Variants in GRB2 observed in about 807,000 individuals in gnomAD.
GRB2 encodes the protein growth factor receptor bound protein 2, also known as growth factor receptor-bound protein 2.
In GRB2, 2 loss-of-function variants were observed where a neutral mutation model predicts 27.4. The observed-to-expected ratio is 0.07, with a 90% CI of 0.03 to 0.23. GRB2 has a LOEUF of 0.23. Ranked by LOEUF, GRB2 falls within the 10% of genes least tolerant of loss-of-function variation. The probability of loss-of-function intolerance (pLI) is 1.00; values close to 1 mark genes in which losing one functional copy is unlikely to be tolerated. For missense variants in GRB2, 102 were observed against 282.4 expected, an observed-to-expected ratio of 0.36 and a Z score of 4.58; for synonymous variants, 94 against 99.6, an observed-to-expected ratio of 0.94 and a Z score of 0.33.
At chr17:75,371,464 G>A (rs1173583062) in intron 2 of GRB2, 1 of 152,118 alleles carries the variant, frequency 6.6e-6, no homozygotes, top group Non-Finnish European at 1.5e-5. Context: ...AACATGGTGT[G>A]AATTTCCTCC....
Position 75,321,845 on chromosome 17 carries a change from C to T in GRB2, c.300-18G>A, listed in dbSNP as rs778471760. On this transcript the variant is annotated intron_variant, in intron 4 of 5. Transcript: ENST00000316804. Reference sequence around the variant, plus strand: ...TTCCAAACCTGGGAGGGACAGAAAGCACATGTGACCGGCTAAAGGCTCTAA... The same window carrying T: ...TTCCAAACCTGGGAGGGACAGAAAGTACATGTGACCGGCTAAAGGCTCTAA... 1 of 1,611,764 alleles carries T rather than the reference C, an allele frequency of 6.2e-7. No individual in the cohort carries two copies. The highest frequency in any genetic ancestry group is 1.7e-5 in the Admixed American group (1 of 59,994).
intron 1 of GRB2, among the ~76,000 whole-genome samples, chr17:75,399,711 G>A (rs144212051): frequency 4.6e-3 from 690 of 148,868 alleles, no homozygotes; most frequent in African/African-American, 0.016. Context: ...TCGCTCTGTC[G>A]CCCAGGCTGG....
At chr17:75,347,260 A>G (rs757714427) in intron 2 of GRB2, among the ~76,000 whole-genome samples, 2 of 152,072 alleles carry the variant, frequency 1.3e-5, no homozygotes, top group Non-Finnish European at 2.9e-5. Context: ...GCCAAAGACA[A>G]CTGAAAGCCT....
chr17:75,349,336 CATG>C, intron 2 of GRB2, among the ~76,000 whole-genome samples: 1 of 152,174 alleles, frequency 6.6e-6, no homozygotes, highest in South Asian at 2.1e-4. Flanking sequence ...CCATGCTGGC[CATG>C]TTACTAAAAC....
intron 4 of GRB2, 65 bp downstream of exon 4, chr17:75,325,833 A>C: frequency 1.5e-5 from 24 of 1,564,568 alleles, no homozygotes; most frequent in Non-Finnish European, 1.9e-5. Flanking sequence ...GCACCTGACC[A>C]ACGGCTTCAC....
At chr17:75,321,169 CTTTTTTTTTTT>C (rs61287852) in intron 5 of GRB2, among the ~76,000 whole-genome samples, 7,835 of 120,054 alleles carry the variant, frequency 0.065, 260 homozygotes, top group Middle Eastern at 0.16. Context: ...AACAACAAAT[CTTTTTTTTTTT>C]TTTTTTTTTT....
intron 2 of GRB2, chr17:75,372,260 C>G (rs1383134300): frequency 6.6e-6 from 1 of 152,136 alleles, no homozygotes; most frequent in African/African-American, 2.4e-5. Flanking sequence ...ACAACAGGTC[C>G]CCAGTATCTA....
At chr17:75,393,132 A>G (rs1238946911) in intron 2 of GRB2, among the ~76,000 whole-genome samples, 1 of 152,228 alleles carries the variant, frequency 6.6e-6, no homozygotes, top group Non-Finnish European at 1.5e-5. Flanking sequence ...CATATTCCAG[A>G]ACGCAAAATC....
chr17:75,359,482 G>C (rs1266944289), intron 2 of GRB2, among the ~76,000 whole-genome samples: 1 of 149,694 alleles, frequency 6.7e-6, no homozygotes, highest in South Asian at 2.1e-4. Context: ...CTCCAGCCTG[G>C]GTGACAGAGT....
At chr17:75,361,802 T>A (rs948768698) in intron 2 of GRB2, among the ~76,000 whole-genome samples, 2 of 151,790 alleles carry the variant, frequency 1.3e-5, no homozygotes, top group Non-Finnish European at 2.9e-5. Context: ...CATTACTAAC[T>A]GAGCAACTCT....
At chr17:75,368,535 T>TG (rs1241719232) in intron 2 of GRB2, among the ~76,000 whole-genome samples, 280 of 151,246 alleles carry the variant, frequency 1.9e-3, no homozygotes, top group African/African-American at 5.6e-3. Context: ...TGTTTTTTTT[T>TG]TTGTTGTTTT....
chr17:75,356,006 T>G (rs1348199643), intron 2 of GRB2, among the ~76,000 whole-genome samples: 1 of 151,792 alleles, frequency 6.6e-6, no homozygotes. Context: ...AATTTTTTTT[T>G]GTACTTTAGT....
intron 3 of GRB2, among the ~76,000 whole-genome samples, chr17:75,331,265 C>A (rs2078539343): frequency 6.6e-6 from 1 of 152,232 alleles, no homozygotes; most frequent in Non-Finnish European, 1.5e-5. Context: ...GCACTGCCCA[C>A]CCTTTGGGCA....
intron 1 of GRB2, 154 bp downstream of exon 1, chr17:75,405,335 G>A (rs777307150): frequency 4.6e-5 from 7 of 152,460 alleles, no homozygotes; most frequent in Non-Finnish European, 1.0e-4. Context: ...GAAACGTAGA[G>A]TCCGGAGCCC....
intron 2 of GRB2, among the ~76,000 whole-genome samples, chr17:75,365,683 T>C (rs187380490): frequency 2.2e-4 from 33 of 151,776 alleles, no homozygotes; most frequent in African/African-American, 8.0e-4. Flanking sequence ...CTATGGGGGA[T>C]AGAAAGAAAA....
At chr17:75,367,176 T>C (rs887453850) in intron 2 of GRB2, among the ~76,000 whole-genome samples, 1 of 152,124 alleles carries the variant, frequency 6.6e-6, no homozygotes, top group Non-Finnish European at 1.5e-5. Flanking sequence ...CTGCTCTTTT[T>C]TTCCCCCTAT....
Position 75,393,562 on chromosome 17 carries a change from C to G in GRB2, c.67G>C (p.Asp23His). The G allele has an allele frequency of 6.2e-7, 1 of 1,613,294 alleles. No homozygotes were observed. Residue 23 changes from aspartate to histidine, a missense_variant, in exon 2 of 6, where the codon GAC becomes CAC. Transcript: ENST00000316804. ...ADDELSFKRGDILKVLNEECD... is the reference protein window; with the variant it reads ...ADDELSFKRGHILKVLNEECD... ...GCATCAGCACTTACCTTGAGGATGT[C>G]CCCCCTTTTGAAGCTCAGCTCGTCG...
intron 2 of GRB2, among the ~76,000 whole-genome samples, chr17:75,350,280 C>A (rs1015279973): frequency 1.7e-4 from 26 of 149,474 alleles, no homozygotes; most frequent in African/African-American, 6.3e-4. Flanking sequence ...TGAGTGAGTG[C>A]CTATTTTGAG....
chr17:75,324,848 G>C (rs2078488123), intron 4 of GRB2, among the ~76,000 whole-genome samples: 1 of 151,986 alleles, frequency 6.6e-6, no homozygotes, highest in African/African-American at 2.4e-5. Flanking sequence ...GGTCGAGGTG[G>C]GTGGATCACC....
Sources: gnomAD v4.1 joint callset for allele counts (sites outside exome capture counted in the v4.1 genomes callset) on GRCh38, gnomAD v4.1.1 for gene constraint, MANE v1.5 for transcripts, NCBI Gene and HGNC (gene_info 2026-07-23, HGNC 2026-07-21) for gene names.